The following PSIP1 variants were observed in gnomAD, a reference collection of about 807,000 sequenced individuals.
PSIP1 encodes the protein PC4 and SFRS1-interacting protein.
Under a neutral mutation model 74.7 loss-of-function variants are expected in PSIP1, and 19 were observed. The ratio of observed to expected loss-of-function variants is 0.25; its 90% CI spans 0.18 to 0.37. The LOEUF is 0.37. Ranked by LOEUF, PSIP1 falls within the 10% of genes least tolerant of loss-of-function variation. PSIP1 has a pLI of 1.00. For synonymous variants in PSIP1, 222 were observed against 195.3 expected, an observed-to-expected ratio of 1.14 and a Z score of -1.14; for missense variants, 601 against 614.3, an observed-to-expected ratio of 0.98 and a Z score of 0.23.
At chr9:15,486,772 T>C (rs2036571235) in intron 5 of PSIP1, 55 bp downstream of exon 5, 11 of 1,281,442 alleles carry the variant, frequency 8.6e-6, no homozygotes, top group Non-Finnish European at 1.2e-5. Flanking sequence ...ACTCATTTCA[T>C]TATTTCTTCC....
At chr9:15,479,281 C>T (rs1445453893) in intron 7 of PSIP1, among the ~76,000 whole-genome samples, 1 of 152,062 alleles carries the variant, frequency 6.6e-6, no homozygotes, top group Non-Finnish European at 1.5e-5. Context: ...CTGATTATAA[C>T]TCCATTTTGA....
intron 6 of PSIP1, 57 bp downstream of exon 6, chr9:15,485,949 C>T (rs1039121275): frequency 3.7e-5 from 53 of 1,438,042 alleles, no homozygotes; most frequent in Non-Finnish European, 5.1e-5. Flanking sequence ...CTCCCTCAAC[C>T]CAATTAAAAT....
intron 14 of PSIP1, 56 bp downstream of exon 14, chr9:15,468,574 A>T: frequency 6.5e-7 from 1 of 1,544,948 alleles, no homozygotes; most frequent in East Asian, 2.2e-5. Flanking sequence ...TTTTAAAAGC[A>T]GTCCTGGCAA....
At chr9:15,483,717 C>T (rs2036435670) in intron 6 of PSIP1, among the ~76,000 whole-genome samples, 1 of 152,120 alleles carries the variant, frequency 6.6e-6, no homozygotes. Flanking sequence ...CAATCCCCAT[C>T]GTTCACACTG....
At chr9:15,492,049 A>T (rs2036854809) in intron 3 of PSIP1, 1 of 152,202 alleles carries the variant, frequency 6.6e-6, no homozygotes, top group Non-Finnish European at 1.5e-5. Context: ...ACAGAGCCAA[A>T]CCATATCATT....
intron 4 of PSIP1, among the ~76,000 whole-genome samples, chr9:15,487,506 T>C (rs146669995): frequency 6.2e-3 from 934 of 151,382 alleles, no homozygotes; most frequent in Non-Finnish European, 0.01. Flanking sequence ...GAGGCACGAG[T>C]ATAACTTAAA....
chr9:15,464,403 A>G lies in PSIP1; in HGVS notation c.*1117T>C, dbSNP rs1000302981. ...GTGCCAAATGACCCTAATATTCAAA[A>G]TATCTTAGAAATGCTATCCTTTAGT... On this transcript the variant is annotated 3_prime_UTR_variant, in exon 16 of 16. Transcript: ENST00000380733. 36 of 196,854 alleles carry G rather than the reference A, an allele frequency of 1.8e-4. No homozygotes were observed. Among genetic ancestry groups the G allele is most frequent in the South Asian group, 3.8e-4 (2 of 5,204 alleles). 12.2% of individuals were successfully genotyped at this position (196,854 alleles called of 1,614,324 possible).
At chr9:15,478,018 C>A (rs982535371) in intron 8 of PSIP1, among the ~76,000 whole-genome samples, 9 of 150,196 alleles carry the variant, frequency 6.0e-5, no homozygotes, top group African/African-American at 2.2e-4. Context: ...GTCCCAGCTA[C>A]TTGGGAGGCT....
chr9:15,485,837 C>T, intron 6 of PSIP1, 169 bp downstream of exon 6: 1 of 551,274 alleles, frequency 1.8e-6, no homozygotes, highest in South Asian at 2.8e-5. Context: ...TGCTATATCA[C>T]TAAGAAAGAA....
chr9:15,494,415 A>G (rs900618670), intron 3 of PSIP1, among the ~76,000 whole-genome samples: 1 of 151,916 alleles, frequency 6.6e-6, no homozygotes, highest in African/African-American at 2.4e-5. Context: ...AAAATACAAA[A>G]TTAGCCAGGC....
At position 15,476,235 on chromosome 9, in the gene PSIP1, C is replaced by T. The variant is rs532388502; in HGVS notation, c.630-1998G>A. 2.6e-5 allele frequency among the ~76,000 whole-genome samples: 4 copies of T among 152,216 alleles called. No homozygotes were observed. In the South Asian group the frequency reaches 6.2e-4, roughly 24 times the overall value. On this transcript the variant is annotated intron_variant, in intron 8 of 15. Transcript: ENST00000380733. ...CTGCTATTTTAGGGTTGTCCATTGC[C>T]TCAGGAAAAAGCTCACTAATAGAGA...
chr9:15,465,636 A>G (rs1184569116), intron 15 of PSIP1, 56 bp from the exon 16 acceptor site: 7 of 1,378,290 alleles, frequency 5.1e-6, no homozygotes, highest in Non-Finnish European at 6.1e-6. Flanking sequence ...TGATGAAGGA[A>G]AAAAAGACAT....
At chr9:15,485,764 G>C in intron 6 of PSIP1, 1 of 367,282 alleles carries the variant, frequency 2.7e-6, no homozygotes, top group East Asian at 4.7e-5. Flanking sequence ...CTGAGGCACA[G>C]TCATTAAAAT....
chr9:15,476,728 T>C (rs2036100596), intron 8 of PSIP1, among the ~76,000 whole-genome samples: 1 of 152,172 alleles, frequency 6.6e-6, no homozygotes, highest in South Asian at 2.1e-4. Context: ...GTCTTAACAA[T>C]AATTGCATAG....
At position 15,465,541 on chromosome 9, in the gene PSIP1, C is replaced by A; in HGVS notation, c.1572G>T (p.Lys524Asn). 1.3e-6 allele frequency: 2 copies of A among 1,581,988 alleles called. No homozygotes were observed. Among genetic ancestry groups the A allele is most frequent in the Non-Finnish European group, 1.7e-6 (2 of 1,153,938 alleles). Residue 524 changes from lysine to asparagine, a missense_variant, in exon 16 of 16, where the codon AAG becomes AAT. Lys to Asn is a moderately conservative substitution (Grantham distance 94). This residue lies in a region of PSIP1 where 538 missense variants were observed against 507.6 expected (regional missense o/e 1.06). Coordinates refer to ENST00000380733, the MANE Select transcript of PSIP1 (RefSeq NM_033222.5). ...CAACCTAGTTATCTAGTGTAGAATCCTTCAGAGATATTTCAGTCTCTCTCT... is the reference window on the plus strand; with the variant it reads ...CAACCTAGTTATCTAGTGTAGAATCATTCAGAGATATTTCAGTCTCTCTCT... ...SEERETEISL[K>N]DSTLDN
intron 3 of PSIP1, chr9:15,504,810 C>G (rs2037510224): frequency 6.6e-6 from 1 of 151,572 alleles, no homozygotes; most frequent in South Asian, 2.1e-4. Flanking sequence ...GCTTATAAAA[C>G]TGAAAAATGC....
At chr9:15,476,074 C>G (rs1176295129) in intron 8 of PSIP1, among the ~76,000 whole-genome samples, 2 of 152,078 alleles carry the variant, frequency 1.3e-5, no homozygotes, top group Non-Finnish European at 1.5e-5. Context: ...CGGTGAAGAG[C>G]AGAAGTTTAA....
At chr9:15,485,045 C>T (rs556664151) in intron 6 of PSIP1, among the ~76,000 whole-genome samples, 57 of 152,198 alleles carry the variant, frequency 3.7e-4, no homozygotes, top group African/African-American at 1.4e-3. Flanking sequence ...GATTGTGCCA[C>T]TGCACTACTC....
At chr9:15,469,426 TAAAA>T (rs565558041) in intron 11 of PSIP1, 90 bp from the exon 12 acceptor site, 13 of 666,668 alleles carry the variant, frequency 1.9e-5, no homozygotes, top group Non-Finnish European at 2.9e-5. Context: ...TTAGTGGACT[TAAAA>T]AAAAAATGTT....
Sources: allele counts gnomAD v4.1 joint callset (sites outside exome capture counted in the v4.1 genomes callset), GRCh38; gene constraint gnomAD v4.1.1; regional missense constraint gnomAD v4.1.1; transcripts MANE v1.5; gene names NCBI Gene and HGNC (gene_info 2026-07-23, HGNC 2026-07-21).